CRADD: variants seen among roughly 807,000 people sequenced by gnomAD.
CRADD encodes death domain-containing protein CRADD.
A neutral mutation model predicts 15.5 loss-of-function variants in CRADD; 9 were observed. That is an observed-to-expected ratio of 0.58 (90% CI 0.35 to 1.01). The LOEUF (loss-of-function observed/expected upper bound fraction) is 1.01. Ranked by LOEUF, CRADD falls within the 50% of genes least tolerant of loss-of-function variation. The pLI is 0.02. For missense variants in CRADD, 227 were observed against 250.3 expected, an observed-to-expected ratio of 0.91 and a Z score of 0.63; for synonymous variants, 118 against 107.6, an observed-to-expected ratio of 1.10 and a Z score of -0.60.
chr12:93,875,356 C>A (rs994852477), intron 2 of CRADD, among the ~76,000 whole-genome samples: 1 of 151,880 alleles, frequency 6.6e-6, no homozygotes, highest in Non-Finnish European at 1.5e-5. Flanking sequence ...TCCATTCATC[C>A]AGTCTGTGTC....
At chr12:93,894,283 A>T in exon 3 of CRADD, 28 of 506,674 alleles carry the variant, frequency 5.5e-5, no homozygotes, top group East Asian at 7.3e-5. Flanking sequence ...GGCGGGGGGC[A>T]GGGGATTATG....
At chr12:93,770,522 A>G (rs1957076397) in intron 2 of CRADD, among the ~76,000 whole-genome samples, 2 of 152,246 alleles carry the variant, frequency 1.3e-5, no homozygotes, top group South Asian at 2.1e-4. Context: ...TGCTACATTA[A>G]TATCCAGTTG....
chr12:93,885,308 T>C (rs1230087695), intron 2 of CRADD, among the ~76,000 whole-genome samples: 1 of 152,316 alleles, frequency 6.6e-6, no homozygotes, highest in East Asian at 1.9e-4. Context: ...ATTTGGGCTA[T>C]GCATTAAACC....
At chr12:93,687,209 T>G (rs916557266) in intron 2 of CRADD, among the ~76,000 whole-genome samples, 1 of 152,226 alleles carries the variant, frequency 6.6e-6, no homozygotes, top group Non-Finnish European at 1.5e-5. Context: ...GTGACAGGTC[T>G]TGCCCCAGCG....
intron 2 of CRADD, among the ~76,000 whole-genome samples, chr12:93,795,079 G>T (rs1056910751): frequency 6.6e-6 from 1 of 152,148 alleles, no homozygotes; most frequent in African/African-American, 2.4e-5. Context: ...TAAAGCATTT[G>T]TGTTTATGTA....
At position 93,757,654 on chromosome 12, in the gene CRADD, A is replaced by G. The variant is rs141921523; in HGVS notation, c.298+78582A>G. On this transcript the variant is annotated intron_variant, in intron 2 of 2. Coordinates refer to ENST00000332896, the MANE Select transcript of CRADD (RefSeq NM_003805.5). Reference sequence around the variant, plus strand: ...TGCTTAAAATGTGCTAATTTTTGAGATAACTTTTCTTAGCCTGGTTCTCAT... The same window carrying G: ...TGCTTAAAATGTGCTAATTTTTGAGGTAACTTTTCTTAGCCTGGTTCTCAT... 2.0e-4 allele frequency among the ~76,000 whole-genome samples: 31 copies of G among 152,320 alleles called. No individual in the cohort carries two copies. The East Asian group carries it at 5.8e-3, about 28-fold the overall frequency.
intron 2 of CRADD, among the ~76,000 whole-genome samples, chr12:93,796,118 A>G (rs745556001): frequency 1.3e-5 from 2 of 152,106 alleles, no homozygotes; most frequent in Non-Finnish European, 2.9e-5. Flanking sequence ...TGGGAGGATA[A>G]GTTTGGTTTT....
intron 2 of CRADD, among the ~76,000 whole-genome samples, chr12:93,795,689 T>C (rs566780644): frequency 1.3e-5 from 2 of 152,342 alleles, no homozygotes; most frequent in African/African-American, 4.8e-5. Context: ...TTTCTTTCCC[T>C]TTCCCATCTA....
At chr12:93,844,155 A>G (rs950466168) in intron 2 of CRADD, among the ~76,000 whole-genome samples, 1 of 152,232 alleles carries the variant, frequency 6.6e-6, no homozygotes, top group Non-Finnish European at 1.5e-5. Context: ...ATTAAAATAG[A>G]TGACTATTGC....
intron 2 of CRADD, among the ~76,000 whole-genome samples, chr12:93,835,259 C>T (rs1331291841): frequency 6.6e-6 from 1 of 152,124 alleles, no homozygotes; most frequent in African/African-American, 2.4e-5. Context: ...CTTTATTCCC[C>T]TTAGAATTTT....
intron 2 of CRADD, among the ~76,000 whole-genome samples, chr12:93,749,518 G>GTCTAACAAGACCTAA (rs1956807010): frequency 6.6e-6 from 1 of 152,106 alleles, no homozygotes. Context: ...GCAGAGTGCT[G>GTCTAACAAGACCTAA]GGCTTCTTCA....
intron 2 of CRADD, chr12:93,836,214 A>AT (rs1184187654): frequency 6.6e-6 from 1 of 151,988 alleles, no homozygotes; most frequent in Non-Finnish European, 1.5e-5. Context: ...AACCCACTTA[A>AT]TTTTTTCCTC....
chr12:93,846,598 A>ACG (rs1455716056), intron 2 of CRADD: 3 of 143,184 alleles, frequency 2.1e-5, no homozygotes, highest in African/African-American at 7.9e-5. Context: ...ACACACACAC[A>ACG]CACACACACA....
chr12:93,678,473 C>T (rs1955207261), intron 1 of CRADD, among the ~76,000 whole-genome samples: 1 of 152,068 alleles, frequency 6.6e-6, no homozygotes, highest in South Asian at 2.1e-4. Context: ...GGTCTCTGAC[C>T]CACTTTTTTT....
chr12:93,871,592 T>A lies in CRADD; in HGVS notation c.299-22458T>A, dbSNP rs191026120. On this transcript the variant is annotated intron_variant, in intron 2 of 2. Coordinates refer to the CRADD transcript ENST00000548483. The stretch of plus-strand genomic sequence containing the variant: ...CGACCTTCCCAGCCTCTGGTTACCA[T>A]CCTTCTACTCTCTATGTCCAGGAGT... Among the ~76,000 whole-genome samples, 992 of 152,272 alleles carry A rather than the reference T, an allele frequency of 6.5e-3. 8 individuals are homozygous for A. The highest frequency in any genetic ancestry group is 0.024 in the Middle Eastern group (7 of 294).
Position 93,708,479 on chromosome 12 carries a change from T to C in CRADD, c.298+29407T>C, listed in dbSNP as rs537319690. ...ACTCACTGGCCTTCTTCCATGGAAGTATAGGCATTTGAGGATCTTTGCCAC... is the reference window on the plus strand; with the variant it reads ...ACTCACTGGCCTTCTTCCATGGAAGCATAGGCATTTGAGGATCTTTGCCAC... On this transcript the variant is annotated intron_variant, in intron 2 of 2. Coordinates refer to ENST00000332896, the MANE Select transcript of CRADD (RefSeq NM_003805.5). The C allele has an allele frequency of 2.6e-5, 4 of 152,346 alleles. No individual in the cohort carries two copies. In the East Asian group the frequency reaches 5.8e-4, roughly 22 times the overall value. 9.4% of individuals were successfully genotyped at this position (152,346 alleles called of 1,614,324 possible).
chr12:93,833,342 T>G (rs1957931614), intron 2 of CRADD, among the ~76,000 whole-genome samples: 1 of 152,052 alleles, frequency 6.6e-6, no homozygotes, highest in Non-Finnish European at 1.5e-5. Flanking sequence ...AGTTTTTATT[T>G]ATATTTATTT....
chr12:93,723,575 T>G (rs1956302560), intron 2 of CRADD, among the ~76,000 whole-genome samples: 1 of 152,206 alleles, frequency 6.6e-6, no homozygotes, highest in Non-Finnish European at 1.5e-5. Context: ...TCTGGATTTT[T>G]GGAAAGGCAT....
intron 2 of CRADD, among the ~76,000 whole-genome samples, chr12:93,691,514 A>G (rs1318800306): frequency 1.3e-5 from 2 of 152,162 alleles, no homozygotes; most frequent in Non-Finnish European, 2.9e-5. Context: ...TTGGCCTCCC[A>G]AAGTGCTGGG....
Sources: gnomAD v4.1 joint callset for allele counts (sites outside exome capture counted in the v4.1 genomes callset) on GRCh38, gnomAD v4.1.1 for gene constraint, MANE v1.5 for transcripts, NCBI Gene and HGNC (gene_info 2026-07-23, HGNC 2026-07-21) for gene names.